The following NXN variants were observed in gnomAD, a reference collection of about 807,000 sequenced individuals.
The protein encoded by NXN is nucleoredoxin.
Under a neutral mutation model 48.6 loss-of-function variants are expected in NXN, and 16 were observed. The observed-to-expected ratio is 0.33, with a 90% CI of 0.22 to 0.50. The LOEUF (loss-of-function observed/expected upper bound fraction) is 0.50. Among genes scored for constraint, NXN ranks in the 20% least tolerant of loss-of-function variants. The pLI is 0.98. For missense variants in NXN, 492 were observed against 605.5 expected (o/e 0.81, Z 1.97); for synonymous variants, 281 against 269.6 (o/e 1.04, Z -0.41).
At chr17:914,875 T>C (rs2068671191) in intron 1 of NXN, among the ~76,000 whole-genome samples, 2 of 152,024 alleles carry the variant, frequency 1.3e-5, no homozygotes, top group African/African-American at 4.8e-5. Flanking sequence ...AGCAAGCAAG[T>C]GAGATGAGTT....
At chr17:965,655 A>G (rs333628) in intron 1 of NXN, among the ~76,000 whole-genome samples, 26,456 of 151,928 alleles carry the variant, frequency 0.17, 5,765 homozygotes, top group African/African-American at 0.5. Flanking sequence ...ATAACCCCCC[A>G]ACTCTATCCC....
chr17:906,719 A>G (rs966184069), intron 1 of NXN, among the ~76,000 whole-genome samples: 1 of 147,516 alleles, frequency 6.8e-6, no homozygotes, highest in Admixed American at 6.8e-5. Flanking sequence ...GGCACCCACC[A>G]CCACACCCGG....
chr17:826,206 G>A, intron 1 of NXN, 128 bp from the exon 2 acceptor site: 1 of 750,398 alleles, frequency 1.3e-6, no homozygotes, highest in South Asian at 1.4e-5. Context: ...AAGAATAATG[G>A]ATGCCAAGCA....
chr17:910,227 C>A (rs546385796), intron 1 of NXN, among the ~76,000 whole-genome samples: 1 of 152,238 alleles, frequency 6.6e-6, no homozygotes, highest in East Asian at 1.9e-4. Flanking sequence ...GCCTGGCCAA[C>A]AGGGCGAGAC....
At chr17:870,287 A>T (rs2068137477) in intron 1 of NXN, among the ~76,000 whole-genome samples, 1 of 152,208 alleles carries the variant, frequency 6.6e-6, no homozygotes, top group Non-Finnish European at 1.5e-5. Flanking sequence ...GGGAAAGTTC[A>T]TCCAGAAAGA....
chr17:880,340 A>T (rs8064933), intron 1 of NXN, among the ~76,000 whole-genome samples: 80 of 152,146 alleles, frequency 5.3e-4, no homozygotes, highest in Non-Finnish European at 1.8e-4. Flanking sequence ...ATTAACAACC[A>T]GGGCTGGGGT....
intron 1 of NXN, among the ~76,000 whole-genome samples, chr17:861,352 T>C (rs908926127): frequency 6.6e-6 from 1 of 152,184 alleles, no homozygotes; most frequent in Non-Finnish European, 1.5e-5. Context: ...CAGGCTGGTC[T>C]TGAACTCCTG....
chr17:969,233 C>G (rs2069343329), intron 1 of NXN, among the ~76,000 whole-genome samples: 1 of 152,168 alleles, frequency 6.6e-6, no homozygotes, highest in Non-Finnish European at 1.5e-5. Context: ...TTAACAACCA[C>G]CCTAAGAGGC....
intron 5 of NXN, among the ~76,000 whole-genome samples, chr17:814,344 C>G (rs1912350269): frequency 6.6e-6 from 1 of 152,134 alleles, no homozygotes; most frequent in African/African-American, 2.4e-5. Context: ...GCGTTGGCCA[C>G]CAGCAATACC....
chr17:973,182 C>T (rs1412006546), intron 1 of NXN, among the ~76,000 whole-genome samples: 1 of 152,214 alleles, frequency 6.6e-6, no homozygotes, highest in East Asian at 1.9e-4. Flanking sequence ...GAGCTGCTAA[C>T]TGGGAGATGA....
Position 830,647 on chromosome 17 carries a change from C to T in NXN, c.361-4569G>A, listed in dbSNP as rs8068241. Reference sequence around the variant, plus strand: ...TTTGTGAACCACATCGTCAAGGCCCCGTGGACGACAGCAAAAATAACAGGT... The same window carrying T: ...TTTGTGAACCACATCGTCAAGGCCCTGTGGACGACAGCAAAAATAACAGGT... On this transcript the variant is annotated intron_variant, in intron 1 of 7. Transcript: ENST00000336868. The surrounding 1 kb of genome is among the most constrained non-coding windows in gnomAD (Gnocchi z 4.2). Among the ~76,000 whole-genome samples the T allele has an allele frequency of 0.21, 32,012 of 151,958 alleles. 3,478 individuals carry two copies. Among genetic ancestry groups the T allele is most frequent in the African/African-American group, 0.24 (9,778 of 41,408 alleles).
chr17:908,816 A>G (rs1567858127), intron 1 of NXN, among the ~76,000 whole-genome samples: 1 of 150,902 alleles, frequency 6.6e-6, no homozygotes, highest in Admixed American at 6.6e-5. Flanking sequence ...TTAATAATAC[A>G]CTCCCGGCTG....
chr17:839,797 TA>T lies in NXN; in HGVS notation c.361-13720del, dbSNP rs553678056. The stretch of plus-strand genomic sequence containing the variant: ...CAGCCTGGCGACAGAGAGACCTTGT[TA>T]AAAAAAAAAAAAAAAAGGCCAGGCA... On this transcript the variant is annotated intron_variant, in intron 1 of 7. Transcript: ENST00000336868. Among the ~76,000 whole-genome samples the T allele has an allele frequency of 4.0e-3, 230 of 57,230 alleles. 8 individuals carry two copies. The highest frequency in any genetic ancestry group is 0.013 in the Middle Eastern group (1 of 78). 37.5% of individuals were successfully genotyped at this position (57,230 alleles called of 152,430 possible). A position where few individuals can be genotyped will look rare whatever the true frequency, so the allele number is the denominator to read the frequency against.
chr17:955,624 C>T (rs902850012), intron 1 of NXN, among the ~76,000 whole-genome samples: 9 of 145,834 alleles, frequency 6.2e-5, no homozygotes, highest in East Asian at 4.4e-4. Flanking sequence ...AGGCCGGACG[C>T]GGTGGCTCAC....
chr17:944,674 C>T (rs115936823), intron 1 of NXN, among the ~76,000 whole-genome samples: 2,493 of 152,226 alleles, frequency 0.016, 48 homozygotes, highest in African/African-American at 0.056. Context: ...CGGAGAAAAC[C>T]AGAAAGGGGA....
In NXN at chr17:838,396, A is replaced by G. The variant is rs117561601; in HGVS notation, c.361-12318T>C. On this transcript the variant is annotated intron_variant, in intron 1 of 7. Coordinates refer to ENST00000336868, the MANE Select transcript of NXN (RefSeq NM_022463.5). ...ATCCGCCCACCTCGGCCTCCCCAGA[A>G]GCTGGGATTACAGGCGTGAGCCACC... Among the ~76,000 whole-genome samples the G allele has an allele frequency of 8.0e-3, 1,210 of 152,104 alleles. 12 individuals are homozygous for G. The highest frequency in any genetic ancestry group is 0.029 in the East Asian group (151 of 5,170).
At chr17:853,883 G>A (rs961233925) in intron 1 of NXN, among the ~76,000 whole-genome samples, 6 of 151,396 alleles carry the variant, frequency 4.0e-5, no homozygotes, top group East Asian at 3.9e-4. Flanking sequence ...GCCACCACAC[G>A]GCTAAGTTTT....
At chr17:966,220 C>T (rs1296157406) in intron 1 of NXN, among the ~76,000 whole-genome samples, 3 of 152,100 alleles carry the variant, frequency 2.0e-5, no homozygotes, top group Non-Finnish European at 4.4e-5. Context: ...CCACAGCACG[C>T]GGACACATGT....
intron 1 of NXN, among the ~76,000 whole-genome samples, chr17:837,999 C>T (rs1002279551): frequency 2.0e-5 from 3 of 152,132 alleles, no homozygotes; most frequent in Admixed American, 6.5e-5. Flanking sequence ...ATATATGCCG[C>T]ACACGTTCTT....
Sources: allele counts gnomAD v4.1 joint callset (sites outside exome capture counted in the v4.1 genomes callset), GRCh38; gene constraint gnomAD v4.1.1; non-coding constraint Gnocchi (gnomAD v3.1); transcripts MANE v1.5; gene names NCBI Gene and HGNC (gene_info 2026-07-23, HGNC 2026-07-21).